UTRN: variants seen among roughly 807,000 people sequenced by gnomAD.
The protein encoded by UTRN is dystrophin-related protein 1.
UTRN carries 283 observed loss-of-function variants against 463.9 expected under a neutral mutation model. The observed-to-expected ratio is 0.61, with a 90% CI of 0.55 to 0.67. The LOEUF (loss-of-function observed/expected upper bound fraction) is 0.67. Ranked by LOEUF, UTRN falls within the 30% of genes least tolerant of loss-of-function variation. UTRN has a pLI of 0.00. For synonymous variants in UTRN, 1,442 were observed against 1,431.5 expected, an observed-to-expected ratio of 1.01 and a Z score of -0.17; for missense variants, 3,922 against 4,084.3, an observed-to-expected ratio of 0.96 and a Z score of 1.08.
intron 22 of UTRN, among the ~76,000 whole-genome samples, chr6:144,462,381 A>T (rs1789513756): frequency 6.6e-6 from 1 of 152,068 alleles, no homozygotes; most frequent in African/African-American, 2.4e-5. Context: ...TAGTGTGCAT[A>T]TATCTTTATA....
At chr6:144,403,446 G>A (rs1783103943) in intron 3 of UTRN, among the ~76,000 whole-genome samples, 1 of 152,142 alleles carries the variant, frequency 6.6e-6, no homozygotes, top group Non-Finnish European at 1.5e-5. Flanking sequence ...TTTCGATTCT[G>A]TGAATCCTGG....
At chr6:144,302,509 C>CAAAAAAAAAAA (rs57789741) in intron 2 of UTRN, among the ~76,000 whole-genome samples, 2 of 139,154 alleles carry the variant, frequency 1.4e-5, no homozygotes, top group Admixed American at 6.9e-5. Context: ...GACTCTGTCT[C>CAAAAAAAAAAA]AAAAAAAAAG....
At chr6:144,805,488 G>C (rs1778067714) in intron 65 of UTRN, among the ~76,000 whole-genome samples, 1 of 152,210 alleles carries the variant, frequency 6.6e-6, no homozygotes, top group Non-Finnish European at 1.5e-5. Context: ...GCATGTTTCA[G>C]AAAGAAGAAA....
At chr6:144,641,173 T>A (rs1777721204) in intron 51 of UTRN, among the ~76,000 whole-genome samples, 1 of 152,168 alleles carries the variant, frequency 6.6e-6, no homozygotes, top group South Asian at 2.1e-4. Flanking sequence ...GTAGTTGGGG[T>A]ACAGCCTGCT....
chr6:144,769,359 T>C (rs375915065), intron 58 of UTRN, among the ~76,000 whole-genome samples: 13 of 152,330 alleles, frequency 8.5e-5, no homozygotes, highest in African/African-American at 2.6e-4. Context: ...AGTTATACTT[T>C]TGTAACCAGA....
intron 59 of UTRN, 60 bp downstream of exon 59, chr6:144,772,028 T>TG: frequency 1.0e-6 from 1 of 1,001,916 alleles, no homozygotes; most frequent in Non-Finnish European, 1.3e-6. Flanking sequence ...TTTTTTTTTT[T>TG]TTTTTTTTTT....
At chr6:144,785,043 C>T (rs1272351692) in intron 61 of UTRN, among the ~76,000 whole-genome samples, 1 of 152,232 alleles carries the variant, frequency 6.6e-6, no homozygotes, top group South Asian at 2.1e-4. Context: ...GTTTCTCTAA[C>T]AACCATGATT....
chr6:144,653,219 C>T (rs1403329727), intron 51 of UTRN, among the ~76,000 whole-genome samples: 2 of 152,078 alleles, frequency 1.3e-5, no homozygotes, highest in African/African-American at 4.8e-5. Context: ...CATATCACTC[C>T]CCCCCTTTTT....
intron 51 of UTRN, among the ~76,000 whole-genome samples, chr6:144,640,058 G>GAGAGATTGAGAGAC (rs143064989): frequency 0.021 from 3,212 of 151,100 alleles, 121 homozygotes; most frequent in African/African-American, 0.073. Flanking sequence ...GAGAGAGAGA[G>GAGAGATTGAGAGAC]AGATTGAGAG....
chr6:144,743,569 T>C (rs759123936), intron 54 of UTRN, among the ~76,000 whole-genome samples: 4 of 152,154 alleles, frequency 2.6e-5, no homozygotes, highest in South Asian at 2.1e-4. Context: ...CTTGATAAAA[T>C]TGGGCTGGGC....
chr6:144,618,644 G>A (rs959811317), intron 51 of UTRN, among the ~76,000 whole-genome samples: 24 of 151,914 alleles, frequency 1.6e-4, no homozygotes, highest in African/African-American at 5.8e-4. Flanking sequence ...TACCCATCTA[G>A]CTATTCATTT....
rs1309481633 is a variant in UTRN at position 144,782,045 on chromosome 6, A to G, written c.8756A>G (p.Glu2919Gly). Residue 2919 changes from glutamate (E) to glycine (G), a missense_variant, in exon 61 of 75, where the codon GAG (glutamate) becomes GGG (glycine). Around this residue, in one of 3 missense-constraint regions of UTRN, gnomAD observed 1,309 missense variants for 1,452.6 expected, o/e 0.90. Coordinates refer to ENST00000367545, the MANE Select transcript of UTRN (RefSeq NM_007124.3). ...NCLTTTYDGL[E>G]QMHKDLVNVP... ...CTGACAACAACTTATGATGGACTTGAGCAAATGCATAAGGACCTGGTCAAC... is the reference window on the plus strand; with the variant it reads ...CTGACAACAACTTATGATGGACTTGGGCAAATGCATAAGGACCTGGTCAAC... 1 of 1,614,042 alleles carries G rather than the reference A, an allele frequency of 6.2e-7. No individual in the cohort carries two copies. The highest frequency in any genetic ancestry group is 2.2e-5 in the East Asian group (1 of 44,834).
chr6:144,290,433 G>C (rs1422002988), intron 1 of UTRN, among the ~76,000 whole-genome samples: 1 of 152,182 alleles, frequency 6.6e-6, no homozygotes, highest in Non-Finnish European at 1.5e-5. Flanking sequence ...CCACAGTCTA[G>C]ATTTGTCTGC....
chr6:144,555,011 T>G, intron 49 of UTRN, 118 bp downstream of exon 49: 2 of 1,198,564 alleles, frequency 1.7e-6, no homozygotes, highest in Non-Finnish European at 2.3e-6. Context: ...GTTCTTAGAG[T>G]GTCTAATGAA....
At chr6:144,629,357 C>A (rs775549495) in intron 51 of UTRN, among the ~76,000 whole-genome samples, 29 of 152,180 alleles carry the variant, frequency 1.9e-4, no homozygotes, top group Non-Finnish European at 3.7e-4. Flanking sequence ...TTCTTGTGTG[C>A]TCTTCCAGAG....
intron 52 of UTRN, among the ~76,000 whole-genome samples, chr6:144,689,318 A>T (rs1783080300): frequency 6.6e-6 from 1 of 152,184 alleles, no homozygotes; most frequent in African/African-American, 2.4e-5. Flanking sequence ...AAGACCCTTC[A>T]GGAGCACCAG....
At chr6:144,821,941 C>CTGT (rs1240237588) in intron 66 of UTRN, among the ~76,000 whole-genome samples, 7 of 151,982 alleles carry the variant, frequency 4.6e-5, no homozygotes, top group African/African-American at 1.7e-4. Flanking sequence ...GAGAAAGACA[C>CTGT]CGTCTCAGAT....
At chr6:144,457,263 T>C (rs554863081) in intron 19 of UTRN, among the ~76,000 whole-genome samples, 5 of 152,334 alleles carry the variant, frequency 3.3e-5, no homozygotes, top group African/African-American at 1.2e-4. Context: ...ATGAATGGCT[T>C]GTAAGACATT....
chr6:144,654,747 G>C (rs1779154038), intron 51 of UTRN, among the ~76,000 whole-genome samples: 1 of 152,224 alleles, frequency 6.6e-6, no homozygotes, highest in South Asian at 2.1e-4. Context: ...TTTTTAGGAA[G>C]AATATGGTTT....
Sources: gnomAD v4.1 joint callset for allele counts (sites outside exome capture counted in the v4.1 genomes callset) on GRCh38, gnomAD v4.1.1 for gene constraint, gnomAD v4.1.1 regional missense constraint, MANE v1.5 for transcripts, NCBI Gene and HGNC (gene_info 2026-07-23, HGNC 2026-07-21) for gene names.